TMEM132D: variants seen among roughly 807,000 people sequenced by gnomAD.
TMEM132D encodes transmembrane protein 132D.
In TMEM132D, 21 loss-of-function variants were observed where a neutral mutation model predicts 62.3. The ratio of observed to expected loss-of-function variants is 0.34; its 90% CI spans 0.24 to 0.49. The LOEUF (loss-of-function observed/expected upper bound fraction) is 0.49, where lower values mean the gene tolerates loss of function less well. Among genes scored for constraint, TMEM132D ranks in the 20% least tolerant of loss-of-function variants. TMEM132D has a pLI of 0.99. For synonymous variants in TMEM132D, 621 were observed against 575.6 expected (o/e 1.08, Z -1.13); for missense variants, 1,346 against 1,402.8 (o/e 0.96, Z 0.65).
rs540622050 is a variant in TMEM132D at position 129,226,025 on chromosome 12, C to T, written c.1300-16362G>A. ...TAATGTGTCAATGCTGAAAGAAAGA[C>T]GGGAAGTTTCGAGCCGTAGAAGCTG... On this transcript the variant is annotated intron_variant, in intron 4 of 8. Coordinates refer to ENST00000422113, the MANE Select transcript of TMEM132D (RefSeq NM_133448.3). 8.9e-4 allele frequency among the ~76,000 whole-genome samples: 136 copies of T among 152,236 alleles called. No homozygotes were observed. The Middle Eastern group carries it at 0.01, about 11-fold the overall frequency.
intron 1 of TMEM132D, among the ~76,000 whole-genome samples, chr12:129,866,449 G>T (rs1274670382): frequency 1.5e-5 from 2 of 137,510 alleles, no homozygotes; most frequent in Admixed American, 1.5e-4. Context: ...GTTGTGCGGT[G>T]GGGGGAGGGG....
chr12:129,709,848 T>G (rs1881599500), intron 1 of TMEM132D, among the ~76,000 whole-genome samples: 1 of 152,230 alleles, frequency 6.6e-6, no homozygotes, highest in Non-Finnish European at 1.5e-5. Context: ...CTATTAATTT[T>G]AAAGTAAACC....
chr12:129,110,061 T>C, intron 5 of TMEM132D: 1 of 152,452 alleles, frequency 6.6e-6, no homozygotes, highest in Non-Finnish European at 1.5e-5. Flanking sequence ...GCCCAAGGAT[T>C]CCCAGTGCTT....
At chr12:129,322,122 T>C (rs1868738186) in intron 4 of TMEM132D, among the ~76,000 whole-genome samples, 1 of 151,450 alleles carries the variant, frequency 6.6e-6, no homozygotes, top group Non-Finnish European at 1.5e-5. Flanking sequence ...GCCATTTCTC[T>C]TGATGGTAGA....
chr12:129,436,849 C>T (rs1365962844), intron 3 of TMEM132D, among the ~76,000 whole-genome samples: 1 of 152,084 alleles, frequency 6.6e-6, no homozygotes, highest in Non-Finnish European at 1.5e-5. Context: ...ACCTCCTCAG[C>T]TTGGGTCAGG....
intron 3 of TMEM132D, among the ~76,000 whole-genome samples, chr12:129,414,279 G>T (rs1872051312): frequency 2.0e-5 from 3 of 152,130 alleles, no homozygotes; most frequent in Non-Finnish European, 4.4e-5. Context: ...GCTCATTATG[G>T]TTTCCTAGCA....
intron 2 of TMEM132D, among the ~76,000 whole-genome samples, chr12:129,553,838 C>G (rs1321578192): frequency 1.3e-5 from 2 of 152,172 alleles, no homozygotes; most frequent in African/African-American, 4.8e-5. Context: ...ATTCTTTGCC[C>G]ATGAGGATCC....
chr12:129,500,744 G>C (rs1047865299), intron 3 of TMEM132D, among the ~76,000 whole-genome samples: 3 of 152,278 alleles, frequency 2.0e-5, no homozygotes, highest in African/African-American at 7.2e-5. Context: ...ATTCCTCTGC[G>C]ATAAAAGAAA....
chr12:129,173,226 G>A (rs1877788127), intron 5 of TMEM132D, among the ~76,000 whole-genome samples: 1 of 152,166 alleles, frequency 6.6e-6, no homozygotes, highest in Non-Finnish European at 1.5e-5. Context: ...TATAACAAAT[G>A]CAATATCTTG....
At chr12:129,209,890 G>A (rs1273126749) in intron 4 of TMEM132D, 4 of 551,648 alleles carry the variant, frequency 7.3e-6, no homozygotes, top group Admixed American at 6.3e-5. Flanking sequence ...AAGGGGTGGA[G>A]GACAGAAAAG....
intron 1 of TMEM132D, among the ~76,000 whole-genome samples, chr12:129,899,515 C>T (rs749047098): frequency 2.9e-4 from 43 of 150,744 alleles, no homozygotes; most frequent in African/African-American, 6.8e-4. Context: ...GATGAATGAA[C>T]GGGTGGATGG....
chr12:129,099,489 G>A (rs886985148), intron 5 of TMEM132D, among the ~76,000 whole-genome samples: 6 of 152,164 alleles, frequency 3.9e-5, no homozygotes, highest in Non-Finnish European at 1.5e-5. Flanking sequence ...TGGAACACTA[G>A]CCCTTCAGAT....
chr12:129,409,606 C>G (rs1028543644), intron 3 of TMEM132D, among the ~76,000 whole-genome samples: 1 of 152,176 alleles, frequency 6.6e-6, no homozygotes, highest in Non-Finnish European at 1.5e-5. Context: ...ATTTGAGAGG[C>G]TGATTTGTCA....
At chr12:129,541,794 C>T (rs113176135) in intron 2 of TMEM132D, among the ~76,000 whole-genome samples, 1,616 of 152,234 alleles carry the variant, frequency 0.011, 26 homozygotes, top group African/African-American at 0.034. Context: ...GTCCTTAACA[C>T]GGTGTCTGGT....
At chr12:129,364,675 A>T (rs184115962) in intron 3 of TMEM132D, among the ~76,000 whole-genome samples, 4 of 152,280 alleles carry the variant, frequency 2.6e-5, no homozygotes, top group African/African-American at 9.6e-5. Context: ...CCCTTATACA[A>T]AAATGGAAGG....
chr12:129,838,176 A>G (rs926995257), intron 1 of TMEM132D, among the ~76,000 whole-genome samples: 2 of 152,322 alleles, frequency 1.3e-5, no homozygotes, highest in Admixed American at 1.3e-4. Context: ...ATAAATCAGG[A>G]TTAAAAGCCA....
intron 1 of TMEM132D, among the ~76,000 whole-genome samples, chr12:129,718,648 C>G (rs61296610): frequency 0.015 from 2,263 of 152,218 alleles, 55 homozygotes; most frequent in African/African-American, 0.052. Flanking sequence ...TTATGTTATT[C>G]AATGCTCACC....
intron 1 of TMEM132D, among the ~76,000 whole-genome samples, chr12:129,807,742 T>A (rs1351091878): frequency 6.6e-6 from 1 of 152,190 alleles, no homozygotes; most frequent in African/African-American, 2.4e-5. Flanking sequence ...CCAATCTAGA[T>A]GGAAATAGCC....
chr12:129,339,809 A>C (rs1159656106), intron 3 of TMEM132D, among the ~76,000 whole-genome samples: 1 of 152,218 alleles, frequency 6.6e-6, no homozygotes, highest in Non-Finnish European at 1.5e-5. Flanking sequence ...AAAGGAATTT[A>C]TATAACAGAA....
Sources: allele counts gnomAD v4.1 joint callset (sites outside exome capture counted in the v4.1 genomes callset), GRCh38; gene constraint gnomAD v4.1.1; transcripts MANE v1.5; gene names NCBI Gene and HGNC (gene_info 2026-07-23, HGNC 2026-07-21).